The following DACH1 variants were observed in gnomAD, a reference collection of about 807,000 sequenced individuals.
The protein encoded by DACH1 is dachshund homolog 1.
In DACH1, 12 loss-of-function variants were observed where a neutral mutation model predicts 54.2. The observed-to-expected ratio is 0.22, with a 90% CI of 0.14 to 0.36. DACH1 has a LOEUF of 0.36. Ranked by LOEUF, DACH1 falls within the 10% of genes least tolerant of loss-of-function variation. DACH1 has a pLI of 1.00. For synonymous variants in DACH1, 386 were observed against 366.2 expected (o/e 1.05, Z -0.62); for missense variants, 805 against 929.8 (o/e 0.87, Z 1.75).
At chr13:71,716,891 T>C (rs879896555) in intron 1 of DACH1, among the ~76,000 whole-genome samples, 20 of 152,174 alleles carry the variant, frequency 1.3e-4, no homozygotes, top group Admixed American at 4.6e-4. Context: ...TAGGTATACA[T>C]GTGCCATGGT....
chr13:71,524,198 T>C (rs1881797573), intron 6 of DACH1, among the ~76,000 whole-genome samples: 1 of 152,144 alleles, frequency 6.6e-6, no homozygotes, highest in South Asian at 2.1e-4. Flanking sequence ...ATTACACTTG[T>C]AGAATAATTC....
intron 3 of DACH1, among the ~76,000 whole-genome samples, chr13:71,627,335 C>CAAAAAAAAAAAAAAAAAAACAAAAAAAA (rs1221837020): frequency 1.4e-5 from 1 of 70,104 alleles, no homozygotes; most frequent in Non-Finnish European, 3.4e-5. Context: ...AACGCTCTTA[C>CAAAAAAAAAAAAAAAAAAACAAAAAAAA]AAAAAAAAAA....
At chr13:71,701,839 A>G (rs1882150818) in intron 1 of DACH1, among the ~76,000 whole-genome samples, 1 of 152,202 alleles carries the variant, frequency 6.6e-6, no homozygotes, top group Admixed American at 6.5e-5. Flanking sequence ...ACTGTTTTAC[A>G]GTGTTTGATT....
At chr13:71,828,391 C>A (rs2138200255) in intron 1 of DACH1, among the ~76,000 whole-genome samples, 1 of 152,076 alleles carries the variant, frequency 6.6e-6, no homozygotes, top group African/African-American at 2.4e-5. Flanking sequence ...AGTTCTTTAA[C>A]CTCTGTGAAA....
At chr13:71,790,244 C>T (rs538551410) in intron 1 of DACH1, among the ~76,000 whole-genome samples, 6 of 152,024 alleles carry the variant, frequency 3.9e-5, no homozygotes, top group South Asian at 2.1e-4. Flanking sequence ...GAAAAACAAA[C>T]GAATGCTTTA....
At chr13:71,683,239 G>A (rs1246510537) in intron 1 of DACH1, among the ~76,000 whole-genome samples, 2 of 152,086 alleles carry the variant, frequency 1.3e-5, no homozygotes, top group Admixed American at 1.3e-4. Context: ...AAACAACTAT[G>A]ATGCAAATTG....
chr13:71,863,994 C>T (rs1466413810), intron 1 of DACH1, among the ~76,000 whole-genome samples: 1 of 151,846 alleles, frequency 6.6e-6, no homozygotes, highest in East Asian at 1.9e-4. Context: ...TTCATAACTC[C>T]AGAACAATTT....
At chr13:71,748,998 T>C (rs548463937) in intron 1 of DACH1, among the ~76,000 whole-genome samples, 94 of 150,506 alleles carry the variant, frequency 6.2e-4, no homozygotes, top group Middle Eastern at 6.8e-3. Flanking sequence ...TTTATTTCTT[T>C]CTTTCAGATG....
chr13:71,608,055 A>G (rs925026579), intron 3 of DACH1, among the ~76,000 whole-genome samples: 1 of 143,752 alleles, frequency 7.0e-6, no homozygotes, highest in Non-Finnish European at 1.5e-5. Context: ...AGAGATTACA[A>G]TGTGTATATA....
chr13:71,541,925 GTTTTT>G (rs397720054), intron 6 of DACH1, among the ~76,000 whole-genome samples: 289 of 105,834 alleles, frequency 2.7e-3, no homozygotes, highest in African/African-American at 9.3e-3. Flanking sequence ...TATTTGCCCA[GTTTTT>G]TTTTTTTTTT....
intron 3 of DACH1, among the ~76,000 whole-genome samples, chr13:71,606,361 G>A (rs1874880595): frequency 6.6e-6 from 1 of 151,834 alleles, no homozygotes; most frequent in Admixed American, 6.6e-5. Flanking sequence ...TCACATTTAT[G>A]AAAAAATATT....
chr13:71,838,763 TCCTTTGC>T (rs1888900512), intron 1 of DACH1, among the ~76,000 whole-genome samples: 3 of 152,212 alleles, frequency 2.0e-5, no homozygotes, highest in Non-Finnish European at 2.9e-5. Context: ...AAAGGCACTA[TCCTTTGC>T]ACTTGTCCTC....
At chr13:71,480,976 A>G (rs1877979463) in intron 7 of DACH1, among the ~76,000 whole-genome samples, 1 of 152,170 alleles carries the variant, frequency 6.6e-6, no homozygotes, top group African/African-American at 2.4e-5. Flanking sequence ...ACAGTAAAAC[A>G]TAGCTGCTAA....
intron 6 of DACH1, among the ~76,000 whole-genome samples, chr13:71,524,999 C>T (rs1881856342): frequency 6.6e-6 from 1 of 152,120 alleles, no homozygotes; most frequent in South Asian, 2.1e-4. Context: ...AAGTGACACC[C>T]TCATTTTTTT....
chr13:71,747,448 G>C (rs1010254561), intron 1 of DACH1, among the ~76,000 whole-genome samples: 24 of 152,022 alleles, frequency 1.6e-4, no homozygotes, highest in Non-Finnish European at 5.9e-5. Flanking sequence ...GGGTGAGGTG[G>C]TGCATTTCTG....
Position 71,496,314 on chromosome 13 carries a change from C to CAA in DACH1, c.1571-7168_1571-7167dup, listed in dbSNP as rs1555287663. ...ATATATATATATATATATACACACA[C>CAA]AAAAAGATATGCAACATATATATAT... On this transcript the variant is annotated intron_variant, in intron 6 of 10. Transcript: ENST00000613252. Among the ~76,000 whole-genome samples, 269 of 114,076 alleles carry CAA rather than the reference C, an allele frequency of 2.4e-3. 7 individuals carry two copies. Among genetic ancestry groups the CAA allele is most frequent in the African/African-American group, 6.9e-3 (204 of 29,514 alleles). 74.8% of individuals were successfully genotyped at this position (114,076 alleles called of 152,430 possible).
intron 3 of DACH1, among the ~76,000 whole-genome samples, chr13:71,586,895 T>C (rs917362769): frequency 2.0e-5 from 3 of 152,088 alleles, no homozygotes; most frequent in African/African-American, 7.2e-5. Flanking sequence ...CCCTTCACAT[T>C]ATATCACTTA....
intron 1 of DACH1, among the ~76,000 whole-genome samples, chr13:71,777,320 CTGTT>C (rs1566493514): frequency 6.6e-6 from 1 of 152,088 alleles, no homozygotes; most frequent in Non-Finnish European, 1.5e-5. Flanking sequence ...CTCCAACAAA[CTGTT>C]TGGTAGCTTG....
chr13:71,725,152 T>G (rs1883413550), intron 1 of DACH1, among the ~76,000 whole-genome samples: 1 of 151,892 alleles, frequency 6.6e-6, no homozygotes, highest in South Asian at 2.1e-4. Context: ...ACTTGAAAAA[T>G]TTTTAGCAAA....
Sources: gnomAD v4.1 joint callset for allele counts (sites outside exome capture counted in the v4.1 genomes callset) on GRCh38, gnomAD v4.1.1 for gene constraint, MANE v1.5 for transcripts, NCBI Gene and HGNC (gene_info 2026-07-23, HGNC 2026-07-21) for gene names.